The following ZNF582 variants were observed in gnomAD, a reference collection of about 807,000 sequenced individuals.
The protein encoded by ZNF582 is zinc finger protein 582.
A neutral mutation model predicts 12.3 loss-of-function variants in ZNF582; 14 were observed. The ratio of observed to expected loss-of-function variants is 1.14; its 90% CI spans 0.75 to 1.78. The LOEUF (loss-of-function observed/expected upper bound fraction) is 1.78. ZNF582 is among the 40% of genes most tolerant of loss of function. ZNF582 has a pLI of 0.00. For synonymous variants in ZNF582, 210 were observed against 207.2 expected (o/e 1.01, Z -0.11); for missense variants, 567 against 616.5 (o/e 0.92, Z 0.85).
At chr19:56,393,054 A>G (rs949028123) in intron 1 of ZNF582, among the ~76,000 whole-genome samples, 166 bp downstream of exon 1, 5 of 152,236 alleles carry the variant, frequency 3.3e-5, no homozygotes, top group Non-Finnish European at 7.4e-5. Flanking sequence ...GTTCCCAAGT[A>G]TAAGTTTTTC....
exon 5 of ZNF582, chr19:56,383,579 G>T (rs528205086): frequency 2.2e-5 from 6 of 267,164 alleles, no homozygotes; most frequent in South Asian, 1.7e-4. Context: ...TAATCTGGCT[G>T]TTTTTTTAAC....
chr19:56,391,929 A>G, intron 1 of ZNF582, 97 bp from the exon 2 acceptor site: 1 of 1,032,472 alleles, frequency 9.7e-7, no homozygotes, highest in Non-Finnish European at 1.4e-6. Context: ...TCTGCCCACC[A>G]AGAAAATGAG....
chr19:56,384,024 T>C (rs1600323945), exon 5 of ZNF582: 27 of 1,613,720 alleles, frequency 1.7e-5, no homozygotes, highest in East Asian at 2.2e-5. Flanking sequence ...TGAACGGTAG[T>C]TGAATCATGA....
chr19:56,382,781 G>C (rs1170551335), exon 5 of ZNF582: 1 of 152,118 alleles, frequency 6.6e-6, no homozygotes, highest in Non-Finnish European at 1.5e-5. Flanking sequence ...ATTTTTCTCA[G>C]ATAACAAGGC....
chr19:56,390,312 A>G, intron 3 of ZNF582, 63 bp downstream of exon 3: 4 of 1,609,054 alleles, frequency 2.5e-6, no homozygotes, highest in Non-Finnish European at 3.4e-6. Context: ...AAGCACCCAA[A>G]AACTGACCAG....
At chr19:56,391,636 C>T in intron 2 of ZNF582, 108 bp downstream of exon 2, 1 of 962,770 alleles carries the variant, frequency 1.0e-6, no homozygotes. Context: ...CTGCCTGGTC[C>T]TTTTATTCCC....
At position 56,384,879 on chromosome 19, in the gene ZNF582, AG is replaced by A; in HGVS notation, c.537del (p.Phe180SerfsTer35). The A allele has an allele frequency of 6.2e-7, 1 of 1,611,670 alleles. No individual in the cohort carries two copies. The highest frequency in any genetic ancestry group is 8.5e-7 in the Non-Finnish European group (1 of 1,179,420). On this transcript the variant is annotated frameshift_variant, in exon 5 of 5. Coordinates refer to ENST00000586929, the Ensembl canonical transcript of ZNF582. LOFTEE classifies it low-confidence loss of function (END_TRUNC). ...TTAATAAGGAGTTCCTTTTGCCAGA[AG>A]TCTTTTCTACATTTATTATACCCAA... is the stretch of plus-strand genomic sequence containing the variant.
chr19:56,392,193 C>A (rs572488849), intron 1 of ZNF582, among the ~76,000 whole-genome samples: 5 of 152,236 alleles, frequency 3.3e-5, no homozygotes, highest in African/African-American at 1.2e-4. Flanking sequence ...ATTTGCATAG[C>A]CCCAGCCTAG....
At chr19:56,388,790 A>G (rs62124384) in intron 4 of ZNF582, among the ~76,000 whole-genome samples, 24,431 of 151,830 alleles carry the variant, frequency 0.16, 2,157 homozygotes, top group African/African-American at 0.23. Context: ...GTGCCACCAC[A>G]CCCGGCTAAT....
chr19:56,390,309 C>CA, intron 3 of ZNF582, 66 bp downstream of exon 3: 1 of 1,608,134 alleles, frequency 6.2e-7, no homozygotes, highest in Non-Finnish European at 8.5e-7. Flanking sequence ...GAAAAGCACC[C>CA]AAAAACTGAC....
exon 5 of ZNF582, chr19:56,384,579 C>T (rs187611660): frequency 1.5e-5 from 24 of 1,614,032 alleles, no homozygotes; most frequent in Admixed American, 8.3e-5. Flanking sequence ...TAGGGTTTCT[C>T]GCCTGTGTGA....
chr19:56,391,966 A>G, intron 1 of ZNF582, 134 bp from the exon 2 acceptor site: 1 of 695,658 alleles, frequency 1.4e-6, no homozygotes, highest in Non-Finnish European at 2.4e-6. Context: ...AGGGATCCTC[A>G]CCCAACCCCA....
intron 1 of ZNF582, among the ~76,000 whole-genome samples, 177 bp from the exon 2 acceptor site, chr19:56,392,009 G>A (rs2042017912): frequency 6.6e-6 from 1 of 152,106 alleles, no homozygotes; most frequent in Non-Finnish European, 1.5e-5. Flanking sequence ...AAGGCAAAGG[G>A]GAACCAGTGG....
intron 2 of ZNF582, among the ~76,000 whole-genome samples, 176 bp downstream of exon 2, chr19:56,391,568 T>C (rs1568788509): frequency 6.6e-6 from 1 of 152,182 alleles, no homozygotes; most frequent in Admixed American, 6.5e-5. Flanking sequence ...CAGAATGCTA[T>C]AGAGAATAAA....
At chr19:56,383,865 A>G in exon 5 of ZNF582, 3 of 1,560,764 alleles carry the variant, frequency 1.9e-6, no homozygotes, top group Non-Finnish European at 1.7e-6. Flanking sequence ...CAATTAGCCT[A>G]GGCTAATGGG....
At chr19:56,388,390 T>G (rs528837984) in intron 4 of ZNF582, 2 of 152,352 alleles carry the variant, frequency 1.3e-5, no homozygotes, top group East Asian at 1.9e-4. Context: ...GAGTATGTGA[T>G]CTAATAAATA....
chr19:56,388,249 A>C (rs896359912), intron 4 of ZNF582: 5 of 152,206 alleles, frequency 3.3e-5, no homozygotes, highest in Non-Finnish European at 5.9e-5. Flanking sequence ...ATGGGTAATA[A>C]TCTGTTACAG....
At chr19:56,384,027 A>G (rs755455963) in exon 5 of ZNF582, 2 of 1,613,592 alleles carry the variant, frequency 1.2e-6, no homozygotes, top group Admixed American at 1.7e-5. Flanking sequence ...ACGGTAGTTG[A>G]ATCATGACTC....
chr19:56,383,254 TCAGA>T (rs2041933052), exon 5 of ZNF582: 1 of 152,242 alleles, frequency 6.6e-6, no homozygotes, highest in African/African-American at 2.4e-5. Context: ...TATTTCTGGA[TCAGA>T]AAGAAACAAA....
Sources: allele counts gnomAD v4.1 joint callset (sites outside exome capture counted in the v4.1 genomes callset), GRCh38; gene constraint gnomAD v4.1.1; transcripts MANE v1.5; gene names NCBI Gene and HGNC (gene_info 2026-07-23, HGNC 2026-07-21).